Variants in TTC28 observed in about 807,000 individuals in gnomAD.
TTC28 encodes the protein tetratricopeptide repeat domain 28.
Under a neutral mutation model 198.0 loss-of-function variants are expected in TTC28, and 61 were observed. That is an observed-to-expected ratio of 0.31 (90% CI 0.25 to 0.38). The LOEUF (loss-of-function observed/expected upper bound fraction) is 0.38, where lower values mean the gene tolerates loss of function less well. Ranked by LOEUF, TTC28 falls within the 10% of genes least tolerant of loss-of-function variation. TTC28 has a pLI of 1.00. For synonymous variants in TTC28, 1,171 were observed against 1,297.8 expected (o/e 0.90, Z 2.10); for missense variants, 2,678 against 3,164.0 (o/e 0.85, Z 3.69).
At chr22:28,001,336 A>G in intron 15 of TTC28, 38 bp downstream of exon 15, 1 of 1,526,446 alleles carries the variant, frequency 6.6e-7, no homozygotes, top group African/African-American at 1.4e-5. Context: ...TGACCCGAAA[A>G]CAAGCCCCCG....
At chr22:28,604,542 G>A (rs746025267) in intron 2 of TTC28, among the ~76,000 whole-genome samples, 2 of 150,064 alleles carry the variant, frequency 1.3e-5, no homozygotes, top group Non-Finnish European at 3.0e-5. Context: ...TCAGGAGTTC[G>A]AGACCAGCCT....
At chr22:28,303,376 T>C (rs2045066426) in intron 3 of TTC28, among the ~76,000 whole-genome samples, 1 of 152,218 alleles carries the variant, frequency 6.6e-6, no homozygotes, top group South Asian at 2.1e-4. Flanking sequence ...TTGTATTTAT[T>C]TTATATTTTC....
chr22:28,086,596 T>G (rs1941610529), intron 12 of TTC28, among the ~76,000 whole-genome samples: 1 of 151,900 alleles, frequency 6.6e-6, no homozygotes, highest in East Asian at 1.9e-4. Context: ...ACATCACAAT[T>G]AAAAGAACTA....
At chr22:28,037,573 C>T (rs2146658691) in intron 12 of TTC28, among the ~76,000 whole-genome samples, 1 of 152,246 alleles carries the variant, frequency 6.6e-6, no homozygotes, top group South Asian at 2.1e-4. Context: ...ACTGAATGGC[C>T]AAAAACTGGA....
chr22:28,448,944 G>A (rs896317090), intron 2 of TTC28, among the ~76,000 whole-genome samples: 2 of 152,192 alleles, frequency 1.3e-5, no homozygotes, highest in Non-Finnish European at 2.9e-5. Context: ...GACACTGTGA[G>A]AAAACAAAAA....
At chr22:28,322,057 T>G (rs1248854841) in intron 2 of TTC28, among the ~76,000 whole-genome samples, 3 of 152,084 alleles carry the variant, frequency 2.0e-5, no homozygotes, top group Admixed American at 2.0e-4. Flanking sequence ...GTCTCGAACT[T>G]GTGACCCTGT....
chr22:28,119,463 G>A (rs1448701516), intron 6 of TTC28, among the ~76,000 whole-genome samples: 2 of 152,204 alleles, frequency 1.3e-5, no homozygotes, highest in Non-Finnish European at 2.9e-5. Flanking sequence ...TAAGGACAGT[G>A]CAAAACTGTG....
rs566669539 is a variant in TTC28 at position 28,425,770 on chromosome 22, G to A, written c.382-119127C>T. 2.6e-5 allele frequency among the ~76,000 whole-genome samples: 4 copies of A among 152,252 alleles called. No individual in the cohort carries two copies. The South Asian group carries it at 6.2e-4, about 24-fold the overall frequency. ...AATGAGTTCAACTTGGGCAAGCTGC[G>A]ATGGAATGAGGGACTTTGGGAACAG... On this transcript the variant is annotated intron_variant, in intron 2 of 22. Coordinates refer to ENST00000397906, the MANE Select transcript of TTC28 (RefSeq NM_001145418.2).
intron 14 of TTC28, among the ~76,000 whole-genome samples, chr22:28,006,306 A>C (rs1269132657): frequency 6.6e-6 from 1 of 152,216 alleles, no homozygotes; most frequent in East Asian, 1.9e-4. Context: ...TATGAGGCCA[A>C]GGTAGCTGCA....
intron 2 of TTC28, among the ~76,000 whole-genome samples, chr22:28,475,439 G>A (rs117629835): frequency 2.6e-5 from 4 of 152,164 alleles, no homozygotes; most frequent in East Asian, 1.9e-4. Flanking sequence ...AACCCACACC[G>A]ACATGGGGAA....
intron 2 of TTC28, among the ~76,000 whole-genome samples, chr22:28,339,807 G>A (rs1196487586): frequency 6.6e-6 from 1 of 152,106 alleles, no homozygotes; most frequent in African/African-American, 2.4e-5. Context: ...TCTTTGACTA[G>A]GAAAGGGAAT....
chr22:28,116,850 G>A (rs1439222943), intron 6 of TTC28, among the ~76,000 whole-genome samples: 2 of 152,048 alleles, frequency 1.3e-5, no homozygotes, highest in African/African-American at 2.4e-5. Flanking sequence ...CCTGATTCAG[G>A]CCCAATCCAG....
chr22:28,451,304 C>G (rs1249552478), intron 2 of TTC28, among the ~76,000 whole-genome samples: 1 of 152,060 alleles, frequency 6.6e-6, no homozygotes, highest in Non-Finnish European at 1.5e-5. Flanking sequence ...GTAAACTAGC[C>G]CAGACTAAAG....
intron 12 of TTC28, among the ~76,000 whole-genome samples, chr22:28,065,475 C>G (rs992833321): frequency 1.3e-5 from 2 of 152,056 alleles, no homozygotes; most frequent in Non-Finnish European, 1.5e-5. Flanking sequence ...GTCGGGCCAA[C>G]AAGAGTTAGG....
At chr22:28,555,995 C>T (rs550728663) in intron 2 of TTC28, among the ~76,000 whole-genome samples, 16 of 151,962 alleles carry the variant, frequency 1.1e-4, no homozygotes, top group Middle Eastern at 3.4e-3. Flanking sequence ...CATTTTCCTT[C>T]GCCATAAAAT....
rs533671092 is a variant in TTC28, at chr22:28,458,904, AAAT to A, written c.382-152264_382-152262del. Reference sequence around the variant, plus strand: ...TCAAAAAAAAAAAAAAAATTTACCAAAATAATAATACCAATATCAATGTGCTCT... The same window carrying A: ...TCAAAAAAAAAAAAAAAATTTACCAAAATAATACCAATATCAATGTGCTCT... On this transcript the variant is annotated intron_variant, in intron 2 of 22. Transcript: ENST00000397906. 3.3e-4 allele frequency among the ~76,000 whole-genome samples: 50 copies of A among 151,816 alleles called. No individual in the cohort carries two copies. The East Asian group carries it at 8.4e-3, about 25-fold the overall frequency.
At chr22:28,159,120 T>A (rs1943825953) in intron 6 of TTC28, among the ~76,000 whole-genome samples, 1 of 152,150 alleles carries the variant, frequency 6.6e-6, no homozygotes, top group African/African-American at 2.4e-5. Context: ...AATAGACATT[T>A]CTCAAAAGAA....
chr22:28,070,753 T>C (rs1194499032), intron 12 of TTC28, among the ~76,000 whole-genome samples: 1 of 152,202 alleles, frequency 6.6e-6, no homozygotes, highest in African/African-American at 2.4e-5. Flanking sequence ...TCTTTCCATT[T>C]CATCTTCATC....
intron 12 of TTC28, among the ~76,000 whole-genome samples, chr22:28,072,843 G>T (rs1284543014): frequency 6.6e-6 from 1 of 152,202 alleles, no homozygotes; most frequent in East Asian, 1.9e-4. Flanking sequence ...GACACACAAT[G>T]GGGCCTCATA....
Sources: gnomAD v4.1 joint callset for allele counts (sites outside exome capture counted in the v4.1 genomes callset) on GRCh38, gnomAD v4.1.1 for gene constraint, MANE v1.5 for transcripts, NCBI Gene and HGNC (gene_info 2026-07-23, HGNC 2026-07-21) for gene names.